Variants in G3BP2 observed in about 807,000 individuals in gnomAD.
The protein encoded by G3BP2 is G3BP stress granule assembly factor 2.
Under a neutral mutation model 56.7 loss-of-function variants are expected in G3BP2, and 11 were observed. The observed-to-expected ratio is 0.19, with a 90% CI of 0.12 to 0.32. The LOEUF is 0.32. G3BP2 is among the 10% of genes least tolerant of loss of function. The pLI is 1.00. For missense variants in G3BP2, 340 were observed against 610.9 expected, an observed-to-expected ratio of 0.56 and a Z score of 4.67; for synonymous variants, 165 against 191.6, an observed-to-expected ratio of 0.86 and a Z score of 1.15.
intron 8 of G3BP2, among the ~76,000 whole-genome samples, chr4:75,650,077 C>T (rs1378945832): frequency 1.3e-5 from 2 of 152,084 alleles, no homozygotes; most frequent in African/African-American, 4.8e-5. Context: ...CATGCAGCGG[C>T]TCAAACTCTT....
At chr4:75,704,306 C>T (rs1003370031) in intron 3 of G3BP2, among the ~76,000 whole-genome samples, 7 of 152,002 alleles carry the variant, frequency 4.6e-5, no homozygotes, top group South Asian at 2.1e-4. Flanking sequence ...CGTGAGCCCC[C>T]GCCGGACCTG....
intron 1 of G3BP2, among the ~76,000 whole-genome samples, chr4:75,665,750 T>C (rs1326823829): frequency 6.6e-6 from 1 of 152,100 alleles, no homozygotes; most frequent in Non-Finnish European, 1.5e-5. Context: ...ACTTACCTGG[T>C]AAAATTTAAC....
intron 3 of G3BP2, among the ~76,000 whole-genome samples, chr4:75,710,902 A>G (rs1719729819): frequency 6.6e-6 from 1 of 151,976 alleles, no homozygotes; most frequent in Non-Finnish European, 1.5e-5. Flanking sequence ...AGCTTCAGGC[A>G]ATCCTTCTGC....
In G3BP2 at chr4:75,700,255, C is replaced by G. The variant is rs1406398558; in HGVS notation, c.-25+20622G>C. On this transcript the variant is annotated intron_variant, in intron 3 of 3. Coordinates refer to the G3BP2 transcript ENST00000499709. ...TTTTAGTAGAGACGGGGTTTGACCA[C>G]GTTGGCTAGGATGGTCTTGATCTCC... Among the ~76,000 whole-genome samples, 4 of 151,098 alleles carry G rather than the reference C, an allele frequency of 2.6e-5. No individual in the cohort carries two copies. In the South Asian group the frequency reaches 8.4e-4, roughly 32 times the overall value.
At position 75,643,182 on chromosome 4, in the gene G3BP2, T is replaced by C. The variant is rs1044200393; in HGVS notation, c.*2248A>G. 4.6e-5 allele frequency: 7 copies of C among 152,090 alleles called. No individual in the cohort carries two copies. Among genetic ancestry groups the C allele is most frequent in the Non-Finnish European group, 8.8e-5 (6 of 67,872 alleles). 9.4% of individuals were successfully genotyped at this position (152,090 alleles called of 1,614,324 possible). Reference sequence around the variant, plus strand: ...TGTTTTATTCATGGTATGTAAAGACTGAAGCTGAATGGCTCTTTGCTCTAC... The same window carrying C: ...TGTTTTATTCATGGTATGTAAAGACCGAAGCTGAATGGCTCTTTGCTCTAC... On this transcript the variant is annotated 3_prime_UTR_variant, in exon 12 of 12. Transcript: ENST00000359707.
intron 3 of G3BP2, among the ~76,000 whole-genome samples, chr4:75,686,351 C>G (rs932178342): frequency 6.6e-6 from 1 of 151,860 alleles, no homozygotes; most frequent in East Asian, 1.9e-4. Context: ...CACAGTAACA[C>G]AATAAGGTTT....
intron 10 of G3BP2, among the ~76,000 whole-genome samples, 179 bp from the exon 11 acceptor site, chr4:75,646,635 C>G (rs537833278): frequency 2.6e-5 from 4 of 152,286 alleles, no homozygotes; most frequent in South Asian, 2.1e-4. Flanking sequence ...CCTAAGATAC[C>G]AAGTAGCCTG....
intron 8 of G3BP2, among the ~76,000 whole-genome samples, chr4:75,653,711 C>A (rs1300550613): frequency 6.6e-6 from 1 of 151,096 alleles, no homozygotes. Context: ...AAGGAACATT[C>A]TTTTTGTTAT....
intron 2 of G3BP2, among the ~76,000 whole-genome samples, chr4:75,659,685 T>C (rs1560618894): frequency 1.3e-5 from 2 of 152,196 alleles, no homozygotes; most frequent in Non-Finnish European, 2.9e-5. Flanking sequence ...TCACTTAACT[T>C]TCTTAACAAT....
chr4:75,686,612 G>A (rs1718620516), intron 3 of G3BP2, among the ~76,000 whole-genome samples: 1 of 151,650 alleles, frequency 6.6e-6, no homozygotes. Flanking sequence ...ACATGTGCTG[G>A]CAACCACAAG....
At chr4:75,680,087 G>A (rs1481890745) in intron 3 of G3BP2, among the ~76,000 whole-genome samples, 2 of 152,122 alleles carry the variant, frequency 1.3e-5, no homozygotes, top group Non-Finnish European at 2.9e-5. Flanking sequence ...GATATGAGAC[G>A]CCACAAGGTT....
At position 75,712,845 on chromosome 4, in the gene G3BP2, T is replaced by G. The variant is rs543471241; in HGVS notation, c.-25+8032A>C. On this transcript the variant is annotated intron_variant, in intron 3 of 3. Coordinates refer to the G3BP2 transcript ENST00000499709. ...TAAAGAGTTCTGTAGATTAATACAG[T>G]ATGGAAGTAGTCTTAGTTATATAGC... Among the ~76,000 whole-genome samples the G allele has an allele frequency of 3.9e-5, 6 of 152,140 alleles. No individual in the cohort carries two copies. In the South Asian group the frequency reaches 1.2e-3, roughly 32 times the overall value.
Position 75,717,968 on chromosome 4 carries a change from G to A in G3BP2, c.-25+2909C>T, listed in dbSNP as rs569339894. On this transcript the variant is annotated intron_variant, in intron 3 of 3. Transcript: ENST00000499709. ...ATCCTGGCCAACATGGTGAAACCCC[G>A]TCTCTACTAAAAATACAAAAATTAG... 5.5e-4 allele frequency among the ~76,000 whole-genome samples: 84 copies of A among 151,880 alleles called. 1 individual carries two copies. Among genetic ancestry groups the A allele is most frequent in the African/African-American group, 1.7e-3 (69 of 41,364 alleles).
chr4:75,661,713 A>G, intron 2 of G3BP2: 1 of 478,836 alleles, frequency 2.1e-6, no homozygotes, highest in Non-Finnish European at 3.8e-6. Context: ...ATAGATATGA[A>G]TGTGTTATGT....
intron 3 of G3BP2, among the ~76,000 whole-genome samples, chr4:75,708,396 G>A (rs1056365218): frequency 2.0e-5 from 3 of 152,004 alleles, no homozygotes; most frequent in African/African-American, 7.3e-5. Context: ...AGCTGCAGAG[G>A]GTAAACAAAT....
intron 3 of G3BP2, among the ~76,000 whole-genome samples, chr4:75,683,691 C>A (rs1421149583): frequency 2.0e-5 from 3 of 152,136 alleles, no homozygotes; most frequent in African/African-American, 7.2e-5. Context: ...GACTCACTAC[C>A]TAGGTGAGTC....
chr4:75,681,622 G>C (rs1734075915), intron 3 of G3BP2, among the ~76,000 whole-genome samples: 1 of 152,030 alleles, frequency 6.6e-6, no homozygotes, highest in African/African-American at 2.4e-5. Context: ...GGCTGAGGCA[G>C]GTGGATCACC....
chr4:75,693,958 C>A (rs1050344928), intron 3 of G3BP2, among the ~76,000 whole-genome samples: 1 of 151,672 alleles, frequency 6.6e-6, no homozygotes, highest in Admixed American at 6.6e-5. Flanking sequence ...CTAGGGTGGT[C>A]TTGAACTCCT....
At chr4:75,646,755 G>T (rs554996112) in intron 10 of G3BP2, among the ~76,000 whole-genome samples, 51 of 152,148 alleles carry the variant, frequency 3.4e-4, no homozygotes, top group African/African-American at 1.2e-3. Context: ...TGACCCATTT[G>T]CCAAATGAAT....
Sources: allele counts gnomAD v4.1 joint callset (sites outside exome capture counted in the v4.1 genomes callset), GRCh38; gene constraint gnomAD v4.1.1; transcripts MANE v1.5; gene names NCBI Gene and HGNC (gene_info 2026-07-23, HGNC 2026-07-21).